MYO9A: variants seen among roughly 807,000 people sequenced by gnomAD.
The protein encoded by MYO9A is myosin IXA, also known as unconventional myosin-IXa.
A neutral mutation model predicts 293.3 loss-of-function variants in MYO9A; 103 were observed. The observed-to-expected ratio is 0.35, with a 90% confidence interval of 0.30 to 0.41. MYO9A has a LOEUF of 0.41. MYO9A is among the 10% of genes least tolerant of loss of function. The pLI is 1.00. For synonymous variants in MYO9A, 1,001 were observed against 1,035.7 expected (o/e 0.97, Z 0.64); for missense variants, 2,685 against 3,033.0 (o/e 0.89, Z 2.69).
At chr15:71,872,248 G>GA (rs1235700562) in intron 32 of MYO9A, among the ~76,000 whole-genome samples, 12 of 151,356 alleles carry the variant, frequency 7.9e-5, no homozygotes, top group Middle Eastern at 3.4e-3. Context: ...AGGGAGGAAG[G>GA]AAAAAAAATA....
At chr15:72,062,033 G>A (rs147785093) in intron 1 of MYO9A, among the ~76,000 whole-genome samples, 219 of 152,278 alleles carry the variant, frequency 1.4e-3, no homozygotes, top group African/African-American at 4.6e-3. Flanking sequence ...TAAGGGAAGA[G>A]AACAAGAGAT....
chr15:72,046,449 T>C lies in MYO9A; in HGVS notation c.115A>G (p.Asn39Asp). ...TCAATCACCTCAGCAGCTGTGGAGT[T>C]TTTTCTGGCAGGAATCGGACAGTAG... ...TIYCPIPARK[N>D]STAAEVIESL... The change falls in exon 2 of 42, where the codon AAC (asparagine) becomes GAC (aspartate). Residue 39 changes from asparagine to aspartate, a missense_variant. By Grantham distance (23) the Asn-to-Asp change is conservative. Transcript: ENST00000356056. The C allele has an allele frequency of 6.2e-7, 1 of 1,614,138 alleles. No homozygotes were observed. Among genetic ancestry groups the C allele is most frequent in the African/African-American group, 1.3e-5 (1 of 75,026 alleles).
Position 72,117,888 on chromosome 15 carries a change from C to G in MYO9A, c.-280G>C. On this transcript the variant is annotated 5_prime_UTR_variant, in exon 1 of 42. Transcript: ENST00000356056. ...GCCCTGTCAGAGAGACTCCGCCCGG[C>G]CTGAGCAGGCACATCCCCCGCCGCA... is the stretch of plus-strand genomic sequence containing the variant. 2.5e-6 allele frequency: 1 copy of G among 398,410 alleles called. No homozygotes were observed. The highest frequency in any genetic ancestry group is 4.4e-6 in the Non-Finnish European group (1 of 225,868). 24.7% of individuals were successfully genotyped at this position (398,410 alleles called of 1,614,324 possible).
Position 71,898,752 on chromosome 15 carries a change from G to T in MYO9A, c.3751C>A (p.Leu1251Ile), listed in dbSNP as rs745557239. 5.9e-5 allele frequency: 95 copies of T among 1,613,884 alleles called. No homozygotes were observed. The East Asian group carries it at 2.1e-3, about 36-fold the overall frequency. Reference sequence around the variant, plus strand: ...AAGGATCTGGGTCTCTCTCTTACAAGCACATCTTCCTGCAAGTCCACACCA... The same window carrying T: ...AAGGATCTGGGTCTCTCTCTTACAATCACATCTTCCTGCAAGTCCACACCA... ...QSGVDLQEDV[L>I]VRERPRSLED... Residue 1251 changes from leucine (L) to isoleucine (I), a missense_variant, in exon 25 of 42, where the codon CTT becomes ATT. Coordinates refer to ENST00000356056, the MANE Select transcript of MYO9A (RefSeq NM_006901.4).
In MYO9A at chr15:72,024,102, T is replaced by C. The variant is rs1362106467; in HGVS notation, c.999-3085A>G. Among the ~76,000 whole-genome samples, 9 of 152,170 alleles carry C rather than the reference T, an allele frequency of 5.9e-5. No homozygotes were observed. The East Asian group carries it at 1.7e-3, about 29-fold the overall frequency. On this transcript the variant is annotated intron_variant, in intron 4 of 41. Transcript: ENST00000356056. ...AAAAATAAAGGAGAAATTAGAATACTGCCAGATAAACAAAGTTGGACTTCA... is the reference window on the plus strand; with the variant it reads ...AAAAATAAAGGAGAAATTAGAATACCGCCAGATAAACAAAGTTGGACTTCA...
At chr15:72,037,897 G>T (rs990783148) in intron 2 of MYO9A, among the ~76,000 whole-genome samples, 3 of 151,062 alleles carry the variant, frequency 2.0e-5, no homozygotes, top group South Asian at 2.1e-4. Context: ...GACTTACTAG[G>T]CAAAGACTAT....
At chr15:71,902,150 C>T (rs1326870994) in intron 22 of MYO9A, among the ~76,000 whole-genome samples, 1 of 151,770 alleles carries the variant, frequency 6.6e-6, no homozygotes, top group Non-Finnish European at 1.5e-5. Flanking sequence ...ACCTGAGTAA[C>T]ACAGAGAGTT....
chr15:71,900,232 A>T (rs1955850043), intron 23 of MYO9A, among the ~76,000 whole-genome samples: 2 of 152,142 alleles, frequency 1.3e-5, no homozygotes, highest in African/African-American at 4.8e-5. Context: ...CAGGAGATAG[A>T]GACCAACCTG....
intron 20 of MYO9A, 138 bp from the exon 21 acceptor site, chr15:71,904,177 T>C: frequency 1.5e-6 from 1 of 675,554 alleles, no homozygotes; most frequent in East Asian, 2.8e-5. Flanking sequence ...ACTAAGTATA[T>C]TAAGGCAAGC....
At chr15:72,085,590 C>T (rs935139752) in intron 1 of MYO9A, among the ~76,000 whole-genome samples, 10 of 152,126 alleles carry the variant, frequency 6.6e-5, no homozygotes, top group Admixed American at 2.0e-4. Context: ...CTATGATCTT[C>T]GTTCCTATCC....
chr15:72,031,444 C>T (rs2077867232), intron 3 of MYO9A, among the ~76,000 whole-genome samples: 2 of 152,022 alleles, frequency 1.3e-5, no homozygotes, highest in African/African-American at 4.8e-5. Context: ...CGAGATTGCA[C>T]CACTGCATTC....
At chr15:71,840,402 C>G (rs1451788034) in intron 39 of MYO9A, among the ~76,000 whole-genome samples, 2 of 152,176 alleles carry the variant, frequency 1.3e-5, no homozygotes, top group Non-Finnish European at 2.9e-5. Flanking sequence ...TGCAGGCATG[C>G]TATACTCCCA....
chr15:72,072,091 TATATATA>T, intron 1 of MYO9A, among the ~76,000 whole-genome samples: 1 of 146,182 alleles, frequency 6.8e-6, no homozygotes, highest in Non-Finnish European at 1.5e-5. Context: ...AAAAAAAAAG[TATATATA>T]ATATACATAA....
At chr15:72,029,283 G>A (rs1708492586) in intron 3 of MYO9A, among the ~76,000 whole-genome samples, 1 of 152,102 alleles carries the variant, frequency 6.6e-6, no homozygotes, top group Non-Finnish European at 1.5e-5. Flanking sequence ...AACTACAGAG[G>A]TACATTCTGA....
chr15:72,099,992 G>A (rs895336550), intron 1 of MYO9A, among the ~76,000 whole-genome samples: 19 of 151,922 alleles, frequency 1.3e-4, no homozygotes, highest in African/African-American at 4.1e-4. Flanking sequence ...ACAGATTAGG[G>A]TAATCCCAGC....
chr15:71,952,538 T>A (rs1370545709), intron 14 of MYO9A, among the ~76,000 whole-genome samples: 1 of 152,146 alleles, frequency 6.6e-6, no homozygotes, highest in Non-Finnish European at 1.5e-5. Flanking sequence ...CACATTCAAG[T>A]AAAGACCAAA....
chr15:72,010,535 G>T, intron 6 of MYO9A, 88 bp from the exon 7 acceptor site: 2 of 1,128,468 alleles, frequency 1.8e-6, no homozygotes, highest in Non-Finnish European at 2.6e-6. Flanking sequence ...TTTAGGATAG[G>T]TACCTGTATG....
At chr15:72,077,210 G>C (rs556393885) in intron 1 of MYO9A, among the ~76,000 whole-genome samples, 6 of 152,156 alleles carry the variant, frequency 3.9e-5, no homozygotes, top group African/African-American at 1.4e-4. Context: ...TCTCAGCCTT[G>C]GCAATGACGT....
chr15:71,991,287 A>G (rs1422606381), intron 10 of MYO9A, 50 bp from the exon 11 acceptor site: 5 of 1,424,886 alleles, frequency 3.5e-6, no homozygotes, highest in Non-Finnish European at 4.8e-6. Flanking sequence ...AAATTTATTT[A>G]ATGAATAATA....
Sources: gnomAD v4.1 joint callset for allele counts (sites outside exome capture counted in the v4.1 genomes callset) on GRCh38, gnomAD v4.1.1 for gene constraint, MANE v1.5 for transcripts, NCBI Gene and HGNC (gene_info 2026-07-23, HGNC 2026-07-21) for gene names.